PTPN22: variants seen among roughly 807,000 people sequenced by gnomAD.
PTPN22 encodes the protein tyrosine-protein phosphatase non-receptor type 22.
In PTPN22, 85 loss-of-function variants were observed where a neutral mutation model predicts 103.3. That is an observed-to-expected ratio of 0.82 (90% CI 0.69 to 0.99). PTPN22 has a LOEUF of 0.99. PTPN22 is among the 50% of genes least tolerant of loss of function. The probability of loss-of-function intolerance (pLI) is 0.00; values close to 1 mark genes in which losing one functional copy is unlikely to be tolerated. For synonymous variants in PTPN22, 323 were observed against 310.2 expected (o/e 1.04, Z -0.43); for missense variants, 865 against 936.9 (o/e 0.92, Z 1.00).
intron 1 of PTPN22, among the ~76,000 whole-genome samples, chr1:113,862,802 A>G (rs1171471054): frequency 1.3e-5 from 2 of 152,168 alleles, no homozygotes; most frequent in East Asian, 3.9e-4. Flanking sequence ...CCAAGCCTCC[A>G]TCAGGACAGA....
At chr1:113,831,625 G>A (rs1662557893) in intron 16 of PTPN22, among the ~76,000 whole-genome samples, 1 of 151,032 alleles carries the variant, frequency 6.6e-6, no homozygotes, top group African/African-American at 2.4e-5. Flanking sequence ...TTCTACCTTT[G>A]AGTCATTGGT....
exon 13 of PTPN22, chr1:113,838,407 A>T: frequency 6.3e-7 from 1 of 1,583,708 alleles, no homozygotes; most frequent in South Asian, 1.2e-5. Flanking sequence ...CTTTTGTGGT[A>T]CTAAAACAAA....
intron 18 of PTPN22, among the ~76,000 whole-genome samples, chr1:113,827,415 T>A (rs1317852033): frequency 6.6e-6 from 1 of 152,142 alleles, no homozygotes; most frequent in Non-Finnish European, 1.5e-5. Flanking sequence ...TATGAATATA[T>A]AAGTAAATAC....
chr1:113,851,895 C>T (rs1473515614), intron 10 of PTPN22, 132 bp downstream of exon 10: 3 of 499,420 alleles, frequency 6.0e-6, no homozygotes, highest in East Asian at 3.2e-5. Context: ...GAGAAAATGG[C>T]AATGGACTCT....
chr1:113,849,722 G>T (rs1013773679), intron 10 of PTPN22, among the ~76,000 whole-genome samples: 41 of 151,676 alleles, frequency 2.7e-4, no homozygotes, highest in Admixed American at 1.6e-3. Context: ...CAAGTAAGTC[G>T]GGACTGCAGG....
At chr1:113,849,770 G>A (rs1402736222) in intron 10 of PTPN22, among the ~76,000 whole-genome samples, 2 of 151,472 alleles carry the variant, frequency 1.3e-5, no homozygotes, top group African/African-American at 4.8e-5. Context: ...TGTATTTTTT[G>A]TAGAGACAGG....
At chr1:113,845,353 C>T (rs962450179) in intron 11 of PTPN22, among the ~76,000 whole-genome samples, 3 of 151,786 alleles carry the variant, frequency 2.0e-5, no homozygotes, top group African/African-American at 7.3e-5. Flanking sequence ...CAGGTGCCCA[C>T]CACCACACCT....
At chr1:113,844,453 C>CA (rs1397850186) in intron 11 of PTPN22, among the ~76,000 whole-genome samples, 20 of 151,904 alleles carry the variant, frequency 1.3e-4, no homozygotes, top group Non-Finnish European at 1.9e-4. Flanking sequence ...AACTCTGTCT[C>CA]AAAAAAACAA....
chr1:113,838,734 T>G, intron 11 of PTPN22, 114 bp from the exon 12 acceptor site: 3 of 1,429,430 alleles, frequency 2.1e-6, no homozygotes, highest in Non-Finnish European at 2.8e-6. Flanking sequence ...TTTAAAATAA[T>G]TCATGAAAGA....
At chr1:113,864,845 G>C (rs1160385954) in intron 1 of PTPN22, among the ~76,000 whole-genome samples, 1 of 151,854 alleles carries the variant, frequency 6.6e-6, no homozygotes. Flanking sequence ...CCAGGAGGCA[G>C]AGGTTGCAGT....
intron 10 of PTPN22, among the ~76,000 whole-genome samples, chr1:113,850,446 C>A (rs1410535495): frequency 6.6e-6 from 1 of 152,052 alleles, no homozygotes; most frequent in Non-Finnish European, 1.5e-5. Flanking sequence ...TAAAAGTAGG[C>A]CTGAAATGAA....
chr1:113,845,522 T>A (rs976019347), intron 11 of PTPN22, among the ~76,000 whole-genome samples: 2 of 152,130 alleles, frequency 1.3e-5, no homozygotes, highest in South Asian at 2.1e-4. Flanking sequence ...TTTAAAAAAA[T>A]TTTTCAAATT....
At chr1:113,864,051 C>T (rs987008568) in intron 1 of PTPN22, 5 of 278,358 alleles carry the variant, frequency 1.8e-5, no homozygotes, top group South Asian at 2.7e-5. Context: ...GAGTCACTTG[C>T]GGTGAGCCAA....
At chr1:113,859,099 A>G in intron 2 of PTPN22, 21 bp from the exon 3 acceptor site, 4 of 1,612,100 alleles carry the variant, frequency 2.5e-6, no homozygotes, top group Non-Finnish European at 3.4e-6. Flanking sequence ...AAAGACAGAC[A>G]TAGTACAATT....
intron 1 of PTPN22, among the ~76,000 whole-genome samples, chr1:113,863,830 G>A (rs886322747): frequency 3.3e-4 from 49 of 150,340 alleles, no homozygotes; most frequent in African/African-American, 6.1e-4. Context: ...AGTTTAAACT[G>A]TTAGCACCTA....
At chr1:113,835,676 TAA>T (rs1264103562) in intron 13 of PTPN22, among the ~76,000 whole-genome samples, 1 of 152,172 alleles carries the variant, frequency 6.6e-6, no homozygotes, top group African/African-American at 2.4e-5. Context: ...TAAAACATTA[TAA>T]AGTGCTTTGA....
intron 19 of PTPN22, among the ~76,000 whole-genome samples, chr1:113,821,057 G>A (rs139105857): frequency 2.8e-4 from 43 of 151,810 alleles, no homozygotes; most frequent in African/African-American, 9.6e-4. Flanking sequence ...CTTACTATGT[G>A]CTAAGCATTG....
chr1:113,857,888 G>T, intron 4 of PTPN22, 112 bp from the exon 5 acceptor site: 8 of 978,418 alleles, frequency 8.2e-6, no homozygotes, highest in Middle Eastern at 2.4e-4. Context: ...CTGTTTTGTC[G>T]TTTTTTTTTA....
intron 5 of PTPN22, among the ~76,000 whole-genome samples, chr1:113,857,096 C>T (rs1201449817): frequency 4.6e-5 from 7 of 151,904 alleles, no homozygotes; most frequent in Admixed American, 6.6e-5. Flanking sequence ...ATATCTTAGC[C>T]CAATATATCA....
Sources: allele counts gnomAD v4.1 joint callset (sites outside exome capture counted in the v4.1 genomes callset), GRCh38; gene constraint gnomAD v4.1.1; transcripts MANE v1.5; gene names NCBI Gene and HGNC (gene_info 2026-07-23, HGNC 2026-07-21).